The following GULP1 variants were observed in gnomAD, a reference collection of about 807,000 sequenced individuals.
GULP1 encodes GULP PTB domain containing engulfment adaptor 1, also known as PTB domain-containing engulfment adapter protein 1.
Under a neutral mutation model 40.9 loss-of-function variants are expected in GULP1, and 19 were observed. The ratio of observed to expected loss-of-function variants is 0.46; its 90% CI spans 0.32 to 0.68. GULP1 has a LOEUF of 0.68. Among genes scored for constraint, GULP1 ranks in the 30% least tolerant of loss-of-function variants. The pLI is 0.03. For synonymous variants in GULP1, 119 were observed against 117.6 expected, an observed-to-expected ratio of 1.01 and a Z score of -0.08; for missense variants, 312 against 362.2, an observed-to-expected ratio of 0.86 and a Z score of 1.12.
intron 4 of GULP1, among the ~76,000 whole-genome samples, chr2:188,491,803 A>G (rs995006867): frequency 1.3e-5 from 2 of 152,100 alleles, no homozygotes; most frequent in African/African-American, 2.4e-5. Context: ...AAATTCACAT[A>G]TTTTACATCA....
intron 2 of GULP1, among the ~76,000 whole-genome samples, chr2:188,435,750 T>G (rs1326429978): frequency 2.6e-5 from 4 of 152,074 alleles, no homozygotes; most frequent in Non-Finnish European, 5.9e-5. Flanking sequence ...TGCATGCAGC[T>G]GCACAATTTA....
At chr2:188,419,719 C>T (rs2055108712) in intron 2 of GULP1, among the ~76,000 whole-genome samples, 1 of 151,922 alleles carries the variant, frequency 6.6e-6, no homozygotes, top group Admixed American at 6.6e-5. Context: ...TTGATGTAGT[C>T]CCACATGTTT....
intron 2 of GULP1, among the ~76,000 whole-genome samples, chr2:188,467,772 A>G (rs2060248837): frequency 6.6e-6 from 1 of 152,182 alleles, no homozygotes; most frequent in African/African-American, 2.4e-5. Context: ...ACATTTTAAA[A>G]GATATGAAAA....
At chr2:188,582,545 A>G (rs1454772725) in intron 9 of GULP1, 1 of 471,292 alleles carries the variant, frequency 2.1e-6, no homozygotes. Context: ...AGTCAGTGAG[A>G]GCAGCATCCC....
intron 1 of GULP1, chr2:188,293,319 C>T (rs528436911): frequency 6.6e-6 from 1 of 152,222 alleles, no homozygotes; most frequent in Non-Finnish European, 1.5e-5. Context: ...GTAATGCAGT[C>T]AATTAGGAAG....
In GULP1 at chr2:188,493,772, A is replaced by T. The variant is rs564110227; in HGVS notation, c.90+10280A>T. On this transcript the variant is annotated intron_variant, in intron 4 of 11. Transcript: ENST00000409830. Reference sequence around the variant, plus strand: ...AGAAAGGGAATACATTGGTTTACATAAAAGAACACCTCACAGGGAGGGCTG... The same window carrying T: ...AGAAAGGGAATACATTGGTTTACATTAAAGAACACCTCACAGGGAGGGCTG... 7.2e-5 allele frequency among the ~76,000 whole-genome samples: 11 copies of T among 152,186 alleles called. No homozygotes were observed. In the East Asian group the frequency reaches 1.4e-3, roughly 19 times the overall value.
intron 4 of GULP1, among the ~76,000 whole-genome samples, chr2:188,519,822 TA>T (rs2065554674): frequency 6.6e-6 from 1 of 152,096 alleles, no homozygotes; most frequent in Non-Finnish European, 1.5e-5. Flanking sequence ...TCTTTTTTTT[TA>T]AATTGAGACA....
intron 6 of GULP1, among the ~76,000 whole-genome samples, chr2:188,532,152 T>A (rs1687703046): frequency 6.6e-6 from 1 of 152,242 alleles, no homozygotes; most frequent in African/African-American, 2.4e-5. Flanking sequence ...TGAAACGACC[T>A]ATGGTATATT....
At chr2:188,574,003 G>A (rs190564277) in intron 9 of GULP1, among the ~76,000 whole-genome samples, 20 of 152,232 alleles carry the variant, frequency 1.3e-4, no homozygotes, top group African/African-American at 4.8e-4. Context: ...CTTTATAAAT[G>A]ATTTAATGCT....
At chr2:188,585,768 CA>C (rs1218992268) in intron 10 of GULP1, among the ~76,000 whole-genome samples, 6 of 152,218 alleles carry the variant, frequency 3.9e-5, no homozygotes, top group Admixed American at 2.0e-4. Flanking sequence ...GGGGCTGCCG[CA>C]GATGTCTGAC....
chr2:188,403,467 C>T (rs72909579), intron 2 of GULP1, among the ~76,000 whole-genome samples: 2 of 152,120 alleles, frequency 1.3e-5, no homozygotes, highest in African/African-American at 4.8e-5. Flanking sequence ...TTTAAACTTA[C>T]ATTTGATAAA....
chr2:188,360,883 A>G (rs577978558), intron 1 of GULP1, among the ~76,000 whole-genome samples: 42 of 152,242 alleles, frequency 2.8e-4, no homozygotes, highest in Non-Finnish European at 5.4e-4. Flanking sequence ...CTTGATTTTA[A>G]TATATAATAA....
At position 188,499,955 on chromosome 2, in the gene GULP1, G is replaced by A. The variant is rs187686072; in HGVS notation, c.90+16463G>A. On this transcript the variant is annotated intron_variant, in intron 4 of 11. Transcript: ENST00000409830. The stretch of plus-strand genomic sequence containing the variant: ...CTGCTACCTGATACCCTATTACCAC[G>A]TGCTTTTAAAAAAATATATATTTAG... Among the ~76,000 whole-genome samples the A allele has an allele frequency of 3.3e-5, 5 of 151,736 alleles. No individual in the cohort carries two copies. The East Asian group carries it at 5.8e-4, about 18-fold the overall frequency.
intron 6 of GULP1, among the ~76,000 whole-genome samples, chr2:188,539,006 A>G (rs1180608814): frequency 6.6e-6 from 1 of 151,546 alleles, no homozygotes; most frequent in African/African-American, 2.4e-5. Flanking sequence ...TTTTTTTTTC[A>G]CTTGGATGAA....
intron 2 of GULP1, among the ~76,000 whole-genome samples, chr2:188,467,586 T>G (rs1482118927): frequency 6.6e-6 from 1 of 152,164 alleles, no homozygotes; most frequent in East Asian, 1.9e-4. Flanking sequence ...ATCCGTAAGC[T>G]GTACACACAG....
intron 3 of GULP1, among the ~76,000 whole-genome samples, chr2:188,479,800 AG>A (rs1253973771): frequency 6.6e-6 from 1 of 152,154 alleles, no homozygotes; most frequent in East Asian, 1.9e-4. Context: ...AGAGTTGGAT[AG>A]TAATGTGAGT....
chr2:188,536,073 T>G (rs1209827896), intron 6 of GULP1, among the ~76,000 whole-genome samples: 2 of 152,156 alleles, frequency 1.3e-5, no homozygotes, highest in Admixed American at 6.6e-5. Flanking sequence ...TTGTTTAAGT[T>G]TCTTATAGAA....
intron 1 of GULP1, among the ~76,000 whole-genome samples, chr2:188,323,113 G>T (rs1344621684): frequency 1.3e-5 from 2 of 151,778 alleles, no homozygotes; most frequent in Non-Finnish European, 2.9e-5. Flanking sequence ...AAATTTATTT[G>T]TCTGTAAATA....
intron 7 of GULP1, among the ~76,000 whole-genome samples, chr2:188,550,654 T>C (rs1476047937): frequency 1.3e-5 from 2 of 151,632 alleles, no homozygotes; most frequent in Admixed American, 1.3e-4. Context: ...CATACATTAT[T>C]AGTACTAGAA....
Sources: allele counts gnomAD v4.1 joint callset (sites outside exome capture counted in the v4.1 genomes callset), GRCh38; gene constraint gnomAD v4.1.1; transcripts MANE v1.5; gene names NCBI Gene and HGNC (gene_info 2026-07-23, HGNC 2026-07-21).